The following ZNF454 variants were observed in gnomAD, a reference collection of about 807,000 sequenced individuals.
ZNF454 encodes zinc finger protein 454.
ZNF454 carries 30 observed loss-of-function variants against 48.2 expected under a neutral mutation model. The observed-to-expected ratio is 0.62, with a 90% CI of 0.47 to 0.84. The LOEUF (loss-of-function observed/expected upper bound fraction) is 0.84, where lower values mean the gene tolerates loss of function less well. Among genes scored for constraint, ZNF454 ranks in the 40% least tolerant of loss-of-function variants. The pLI is 0.00. For missense variants in ZNF454, 510 were observed against 623.1 expected (o/e 0.82, Z 1.93); for synonymous variants, 204 against 211.4 (o/e 0.97, Z 0.30).
chr5:178,943,877 A>G (rs1278609339), intron 2 of ZNF454, among the ~76,000 whole-genome samples: 1 of 152,062 alleles, frequency 6.6e-6, no homozygotes, highest in Non-Finnish European at 1.5e-5. Flanking sequence ...TACAAAAAAA[A>G]TTAGCTGGGC....
Position 178,965,385 on chromosome 5 carries a change from C to T in ZNF454, c.981C>T (p.Pro327=), listed in dbSNP as rs780287959. ...KHQNIHSGEK[P]YKCNECGKAF... is the part of the protein sequence containing the mutation. Reference sequence around the variant, plus strand: ...AGAATATCCACAGTGGAGAGAAACCCTATAAATGCAATGAATGTGGAAAAG... The same window carrying T: ...AGAATATCCACAGTGGAGAGAAACCTTATAAATGCAATGAATGTGGAAAAG... Residue 327 remains proline (P), a synonymous_variant, in exon 5 of 5, where the codon CCC becomes CCT. Transcript: ENST00000519564. This position sits in a 1 kb window ranked among gnomAD's most constrained non-coding sequence, Gnocchi z 5.2. The T allele has an allele frequency of 1.2e-6, 2 of 1,614,088 alleles. No individual in the cohort carries two copies. The highest frequency in any genetic ancestry group is 2.7e-5 in the African/African-American group (2 of 75,018).
the ZNF454 span, among the ~76,000 whole-genome samples, chr5:178,975,134 T>C: frequency 4.2e-4 from 64 of 152,008 alleles, 1 homozygote. Flanking sequence ...ATGGCAAAAC[T>C]CCGTCTCTAC....
the ZNF454 span, among the ~76,000 whole-genome samples, chr5:178,988,142 TTAAAAA>T: frequency 2.0e-5 from 3 of 152,136 alleles, no homozygotes; most frequent in Non-Finnish European, 1.5e-5. This position sits in a 1 kb window ranked among gnomAD's most constrained non-coding sequence, Gnocchi z 6.0. Context: ...TTTATCACAA[TTAAAAA>T]TGAAAAAAGT....
rs1760107006 is a variant in ZNF454 at position 178,965,175 on chromosome 5, C to T, written c.771C>T (p.Ser257=). The change falls in exon 5 of 5, where the codon TCC becomes TCT. Residue 257 remains serine (S), a synonymous_variant. Coordinates refer to ENST00000519564, the MANE Select transcript of ZNF454 (RefSeq NM_001178089.3). The surrounding 1 kb of genome is among the most constrained non-coding windows in gnomAD (Gnocchi z 5.2). ...GTGGCAAGGCCTTCTCAGTGAGCTC[C>T]TCACTTACGTACCATCAGAAAATTC... ...KECGKAFSVS[S]SLTYHQKIHT... is the part of the protein sequence containing the mutation. 5.6e-6 allele frequency: 9 copies of T among 1,614,040 alleles called. No individual in the cohort carries two copies. Among genetic ancestry groups the T allele is most frequent in the Non-Finnish European group, 6.8e-6 (8 of 1,180,004 alleles).
At chr5:178,967,474 T>C (rs1760180145), downstream of ZNF454, among the ~76,000 whole-genome samples, 1 of 152,230 alleles carries the variant, frequency 6.6e-6, no homozygotes, top group South Asian at 2.1e-4. Context: ...AGTAATTCTA[T>C]ATTCATAGGA....
chr5:178,960,041 T>A (rs1035005725), intron 4 of ZNF454, among the ~76,000 whole-genome samples: 14 of 147,422 alleles, frequency 9.5e-5, no homozygotes, highest in Non-Finnish European at 2.1e-4. Context: ...CTTGAACTCC[T>A]GGGCTTATGG....
chr5:178,971,218 C>G (rs1224267633), downstream of ZNF454, among the ~76,000 whole-genome samples: 1 of 152,126 alleles, frequency 6.6e-6, no homozygotes, highest in Non-Finnish European at 1.5e-5. Context: ...GCAGGCCACA[C>G]AGGGCCATGT....
the ZNF454 span, chr5:178,983,161 C>G: frequency 1.2e-6 from 2 of 1,613,940 alleles, no homozygotes; most frequent in Non-Finnish European, 8.5e-7. Context: ...GTCCGCTGTT[C>G]CTCATAGTCA....
chr5:178,973,862 G>GC, the ZNF454 span, among the ~76,000 whole-genome samples: 8 of 140,730 alleles, frequency 5.7e-5, no homozygotes, highest in African/African-American at 1.9e-4. Context: ...AAAAAAAAAG[G>GC]TCGACTGAAG....
chr5:178,975,386 A>G, the ZNF454 span, among the ~76,000 whole-genome samples: 1 of 152,238 alleles, frequency 6.6e-6, no homozygotes, highest in Non-Finnish European at 1.5e-5. Flanking sequence ...CATGTGAAAC[A>G]CTTTTTGAAA....
chr5:178,945,200 A>G (rs1170820104), intron 2 of ZNF454, among the ~76,000 whole-genome samples: 2 of 145,820 alleles, frequency 1.4e-5, no homozygotes, highest in Admixed American at 6.8e-5. Context: ...GTTTGTGTGT[A>G]TGTGTCTGTG....
the ZNF454 span, chr5:178,982,750 A>G: frequency 6.5e-5 from 41 of 635,232 alleles, no homozygotes; most frequent in East Asian, 1.1e-3. Context: ...AGAAGCTTGG[A>G]AAAGTGAATG....
the ZNF454 span, chr5:178,989,122 G>A: frequency 2.2e-5 from 36 of 1,613,938 alleles, no homozygotes; most frequent in South Asian, 2.2e-4. Context: ...AGTCCCGGCC[G>A]ATGCGTTCCT....
the ZNF454 span, among the ~76,000 whole-genome samples, chr5:178,983,926 G>T: frequency 6.6e-6 from 1 of 152,214 alleles, no homozygotes; most frequent in Non-Finnish European, 1.5e-5. Context: ...CTGATTGGGG[G>T]CAGGGGTGGA....
chr5:178,943,822 G>A (rs1561692931), intron 2 of ZNF454, among the ~76,000 whole-genome samples: 1 of 152,066 alleles, frequency 6.6e-6, no homozygotes. Flanking sequence ...TCAGGAGATC[G>A]AGACCATCCT....
In ZNF454 at chr5:178,964,662, G is replaced by A; in HGVS notation, c.258G>A (p.Met86Ile). The A allele has an allele frequency of 6.2e-7, 1 of 1,612,216 alleles. No individual in the cohort carries two copies. Among genetic ancestry groups the A allele is most frequent in the Non-Finnish European group, 8.5e-7 (1 of 1,178,352 alleles). The change falls in exon 5 of 5, where the codon ATG (methionine) becomes ATA (isoleucine). Residue 86 changes from methionine (M) to isoleucine (I), a missense_variant. Coordinates refer to ENST00000519564, the MANE Select transcript of ZNF454 (RefSeq NM_001178089.3). ...ATTTTTAATGTCTTTCAGACTGGAT[G>A]ACTATGCCTGCCAGTAAGAAATCTA... The part of the protein sequence containing the change: ...DTPGGFCLDW[M>I]TMPASKKSTV...
In ZNF454 at chr5:178,942,774, C is replaced by G. The variant is rs202222802; in HGVS notation, c.-18C>G. The G allele has an allele frequency of 3.1e-6, 5 of 1,613,936 alleles. No individual in the cohort carries two copies. The highest frequency in any genetic ancestry group is 3.4e-6 in the Non-Finnish European group (4 of 1,179,984). On this transcript the variant is annotated 5_prime_UTR_variant, in exon 2 of 5. Transcript: ENST00000519564. ...AGCACTTTGCCTGTCCCTAAGAGGG[C>G]TCATCGGAGAAGAAAGAATGGCTGT...
the ZNF454 span, among the ~76,000 whole-genome samples, chr5:178,972,491 G>A: frequency 6.6e-6 from 1 of 152,154 alleles, no homozygotes; most frequent in African/African-American, 2.4e-5. Flanking sequence ...ATTGGTGGGT[G>A]GGGAGGGCTG....
chr5:178,983,220 A>G, the ZNF454 span: 1 of 1,610,124 alleles, frequency 6.2e-7, no homozygotes, highest in African/African-American at 1.3e-5. Context: ...CATCCCCACC[A>G]CCTGCAGGAG....
Sources: allele counts gnomAD v4.1 joint callset (sites outside exome capture counted in the v4.1 genomes callset), GRCh38; gene constraint gnomAD v4.1.1; non-coding constraint Gnocchi (gnomAD v3.1); transcripts MANE v1.5; gene names NCBI Gene and HGNC (gene_info 2026-07-23, HGNC 2026-07-21).